SGCZ: variants seen among roughly 807,000 people sequenced by gnomAD.
SGCZ encodes sarcoglycan zeta.
In SGCZ, 40 loss-of-function variants were observed where a neutral mutation model predicts 41.3. The observed-to-expected ratio is 0.97, with a 90% CI of 0.75 to 1.26. The LOEUF is 1.26. Among genes scored for constraint, SGCZ ranks in the 50% most tolerant of loss-of-function variants. The pLI, the probability that SGCZ is intolerant of heterozygous loss-of-function variation, is 0.00. For missense variants in SGCZ, 552 were observed against 369.8 expected (o/e 1.49, Z -4.04); for synonymous variants, 206 against 137.5 (o/e 1.50, Z -3.49).
At position 15,186,368 on chromosome 8, in the gene SGCZ, T is replaced by C. The variant is rs374109432; in HGVS notation, c.39+51217A>G. On this transcript the variant is annotated intron_variant, in intron 1 of 7. Coordinates refer to ENST00000382080, the MANE Select transcript of SGCZ (RefSeq NM_139167.4). ...CCAAATATAACGCTGATATAAATACTGGCTCCAGTCGGGTATTAAGTACTT... is the reference window on the plus strand; with the variant it reads ...CCAAATATAACGCTGATATAAATACCGGCTCCAGTCGGGTATTAAGTACTT... Among the ~76,000 whole-genome samples the C allele has an allele frequency of 6.7e-5, 10 of 150,034 alleles. No homozygotes were observed. The East Asian group carries it at 1.4e-3, about 21-fold the overall frequency.
chr8:14,099,944 TCA>T (rs1801960999), intron 7 of SGCZ, among the ~76,000 whole-genome samples: 16 of 57,598 alleles, frequency 2.8e-4, no homozygotes, highest in Non-Finnish European at 1.3e-4. Context: ...CTTCTACATT[TCA>T]TCCATCATTT....
At position 15,193,310 on chromosome 8, in the gene SGCZ, A is replaced by G. The variant is rs182805507; in HGVS notation, c.39+44275T>C. Among the ~76,000 whole-genome samples the G allele has an allele frequency of 2.7e-3, 413 of 152,266 alleles. 5 individuals are homozygous for G. Among genetic ancestry groups the G allele is most frequent in the African/African-American group, 9.4e-3 (390 of 41,508 alleles). On this transcript the variant is annotated intron_variant, in intron 1 of 7. Transcript: ENST00000382080. The stretch of plus-strand genomic sequence containing the variant: ...TGAATATAATCTTAGGCTAGCCAAG[A>G]ATTCTAAAGCATTTAGGTACAAAAC...
At chr8:14,641,760 C>G (rs1807035023) in intron 1 of SGCZ, among the ~76,000 whole-genome samples, 1 of 151,620 alleles carries the variant, frequency 6.6e-6, no homozygotes, top group Non-Finnish European at 1.5e-5. Flanking sequence ...AACCCACTTT[C>G]TAGCGTATGG....
intron 1 of SGCZ, among the ~76,000 whole-genome samples, chr8:14,585,766 A>G (rs1218664289): frequency 6.6e-6 from 1 of 152,156 alleles, no homozygotes; most frequent in Non-Finnish European, 1.5e-5. Context: ...TATTGCCACA[A>G]AAGAGGTAAG....
At chr8:14,633,636 T>C in intron 1 of SGCZ, among the ~76,000 whole-genome samples, 1 of 151,864 alleles carries the variant, frequency 6.6e-6, no homozygotes, top group Non-Finnish European at 1.5e-5. Flanking sequence ...TTTATCTAAT[T>C]AGGGAAGTCA....
At chr8:14,950,427 C>T (rs548641536) in intron 1 of SGCZ, among the ~76,000 whole-genome samples, 11 of 151,968 alleles carry the variant, frequency 7.2e-5, no homozygotes, top group African/African-American at 2.4e-4. Flanking sequence ...CCTCTTTCTC[C>T]CTTCCCTTCT....
At chr8:14,175,286 A>G (rs1428805390) in intron 4 of SGCZ, among the ~76,000 whole-genome samples, 2 of 152,184 alleles carry the variant, frequency 1.3e-5, no homozygotes, top group African/African-American at 4.8e-5. Context: ...AGAAAATTAT[A>G]AAGGACTATT....
At chr8:14,643,001 T>C (rs950704305) in intron 1 of SGCZ, among the ~76,000 whole-genome samples, 1 of 151,618 alleles carries the variant, frequency 6.6e-6, no homozygotes, top group Non-Finnish European at 1.5e-5. Context: ...TGCTGAATAG[T>C]ATTTTTTAAA....
intron 2 of SGCZ, among the ~76,000 whole-genome samples, chr8:14,340,056 C>G (rs753513532): frequency 6.6e-6 from 1 of 152,086 alleles, no homozygotes; most frequent in East Asian, 1.9e-4. Flanking sequence ...ATCTTCTACA[C>G]GTGAAGTTAA....
In SGCZ at chr8:14,088,681, T is replaced by A. The variant is rs982973765; in HGVS notation, c.*1762A>T. The stretch of plus-strand genomic sequence containing the variant: ...ATATAATCACATTTTATTTTAACAG[T>A]AATAAATTAGCCTTTGAACCCTTCT... On this transcript the variant is annotated 3_prime_UTR_variant, in exon 8 of 8. Coordinates refer to ENST00000382080, the MANE Select transcript of SGCZ (RefSeq NM_139167.4). Among the ~76,000 whole-genome samples the A allele has an allele frequency of 6.6e-6, 1 of 151,940 alleles. No individual in the cohort carries two copies. The highest frequency in any genetic ancestry group is 2.4e-5 in the African/African-American group (1 of 41,422).
intron 2 of SGCZ, among the ~76,000 whole-genome samples, chr8:14,466,113 T>G (rs968468900): frequency 6.6e-6 from 1 of 151,960 alleles, no homozygotes; most frequent in African/African-American, 2.4e-5. Flanking sequence ...TCCACCCTGA[T>G]AGAATCCCTT....
At chr8:14,225,786 T>C (rs1806352132) in intron 4 of SGCZ, among the ~76,000 whole-genome samples, 1 of 152,086 alleles carries the variant, frequency 6.6e-6, no homozygotes, top group African/African-American at 2.4e-5. Context: ...GGAAATAATT[T>C]TATCAGCCTT....
intron 4 of SGCZ, among the ~76,000 whole-genome samples, chr8:14,199,076 T>C (rs1276636831): frequency 1.3e-5 from 2 of 152,152 alleles, no homozygotes; most frequent in Non-Finnish European, 2.9e-5. Flanking sequence ...ACAAGGGAGA[T>C]AACCTTAAAC....
At chr8:14,349,260 T>A (rs745715957) in intron 2 of SGCZ, among the ~76,000 whole-genome samples, 3 of 152,132 alleles carry the variant, frequency 2.0e-5, no homozygotes, top group African/African-American at 2.4e-5. Context: ...AGGTACTCCT[T>A]CAATTCCCTT....
intron 1 of SGCZ, among the ~76,000 whole-genome samples, chr8:14,832,464 G>A (rs1411160717): frequency 1.3e-5 from 2 of 152,022 alleles, no homozygotes; most frequent in Non-Finnish European, 2.9e-5. Context: ...ATGGAAAACT[G>A]TTTTCTACCA....
intron 5 of SGCZ, among the ~76,000 whole-genome samples, chr8:14,134,088 G>C (rs1448968240): frequency 6.6e-6 from 1 of 152,144 alleles, no homozygotes; most frequent in Non-Finnish European, 1.5e-5. Context: ...GTGAGGTACA[G>C]CTACAGGTTA....
At chr8:15,162,014 G>C (rs1014926224) in intron 1 of SGCZ, among the ~76,000 whole-genome samples, 2 of 152,170 alleles carry the variant, frequency 1.3e-5, no homozygotes, top group Admixed American at 6.5e-5. Flanking sequence ...CTGGGTAACA[G>C]CGTGAAAAGA....
intron 1 of SGCZ, among the ~76,000 whole-genome samples, chr8:14,602,335 G>C (rs1051564567): frequency 1.3e-5 from 2 of 151,842 alleles, no homozygotes; most frequent in African/African-American, 4.8e-5. Flanking sequence ...AATGAATAAT[G>C]CACATGTCAC....
Position 14,801,890 on chromosome 8 carries a change from G to A in SGCZ, c.40-246964C>T, listed in dbSNP as rs142202977. Among the ~76,000 whole-genome samples the A allele has an allele frequency of 3.2e-3, 491 of 152,328 alleles. 2 individuals carry two copies. The highest frequency in any genetic ancestry group is 0.01 in the African/African-American group (429 of 41,568). On this transcript the variant is annotated intron_variant, in intron 1 of 7. Coordinates refer to ENST00000382080, the MANE Select transcript of SGCZ (RefSeq NM_139167.4). ...GGGGAAACCTGGCAAGTTTCCTAATGAGAAACTGACAAACTGGAAATCAAA... is the reference window on the plus strand; with the variant it reads ...GGGGAAACCTGGCAAGTTTCCTAATAAGAAACTGACAAACTGGAAATCAAA...
Sources: allele counts gnomAD v4.1 joint callset (sites outside exome capture counted in the v4.1 genomes callset), GRCh38; gene constraint gnomAD v4.1.1; transcripts MANE v1.5; gene names NCBI Gene and HGNC (gene_info 2026-07-23, HGNC 2026-07-21).